Variants in MCTP1 observed in about 807,000 individuals in gnomAD.
MCTP1 encodes multiple C2 and transmembrane domain containing 1.
Under a neutral mutation model 120.6 loss-of-function variants are expected in MCTP1, and 69 were observed. The observed-to-expected ratio is 0.57, with a 90% CI of 0.47 to 0.70. The LOEUF (loss-of-function observed/expected upper bound fraction) is 0.70, where lower values mean the gene tolerates loss of function less well. MCTP1 is among the 30% of genes least tolerant of loss of function. MCTP1 has a pLI of 0.00. For synonymous variants in MCTP1, 529 were observed against 493.1 expected, an observed-to-expected ratio of 1.07 and a Z score of -0.96; for missense variants, 1,203 against 1,248.8, an observed-to-expected ratio of 0.96 and a Z score of 0.55.
intron 10 of MCTP1, among the ~76,000 whole-genome samples, chr5:94,901,997 G>A (rs140907995): frequency 1.3e-3 from 191 of 152,260 alleles, no homozygotes; most frequent in African/African-American, 4.2e-3. Context: ...GGAGGCATAG[G>A]AGCTTCATGG....
intron 1 of MCTP1, among the ~76,000 whole-genome samples, chr5:95,071,975 A>T (rs1188744728): frequency 1.3e-5 from 2 of 152,228 alleles, no homozygotes; most frequent in Non-Finnish European, 2.9e-5. Flanking sequence ...TAATAGATCC[A>T]TGAGAAAAAT....
chr5:94,874,310 A>G (rs1010646410), intron 12 of MCTP1, among the ~76,000 whole-genome samples: 5 of 152,228 alleles, frequency 3.3e-5, no homozygotes, highest in African/African-American at 1.2e-4. Flanking sequence ...AAGATTTTCT[A>G]TTAAATTTTA....
chr5:94,882,873 A>C (rs900323057), intron 12 of MCTP1, among the ~76,000 whole-genome samples: 5 of 152,172 alleles, frequency 3.3e-5, no homozygotes, highest in African/African-American at 4.8e-5. Flanking sequence ...CTGCATATGA[A>C]TCACACATGA....
intron 1 of MCTP1, among the ~76,000 whole-genome samples, chr5:95,089,710 T>C (rs1339113285): frequency 6.6e-6 from 1 of 152,168 alleles, no homozygotes; most frequent in Non-Finnish European, 1.5e-5. Context: ...TCTGCTGTTT[T>C]GTTCCCCTCC....
At chr5:94,982,263 T>A (rs1829565789) in intron 2 of MCTP1, among the ~76,000 whole-genome samples, 1 of 152,174 alleles carries the variant, frequency 6.6e-6, no homozygotes, top group African/African-American at 2.4e-5. Flanking sequence ...ATAAAATATT[T>A]CCAGAATCTA....
intron 5 of MCTP1, among the ~76,000 whole-genome samples, chr5:94,934,613 A>G (rs542925712): frequency 1.3e-5 from 2 of 152,064 alleles, no homozygotes; most frequent in South Asian, 2.1e-4. Flanking sequence ...TCACAGAATT[A>G]GATACAATAG....
At position 95,170,387 on chromosome 5, in the gene MCTP1, G is replaced by A. The variant is rs561625638; in HGVS notation, c.720+113469C>T. ...TGGTGCTTAGTAGAATGTATATTCT[G>A]TTGATTTCAGGTGGAGAGTTCTGTA... On this transcript the variant is annotated intron_variant, in intron 1 of 22. Coordinates refer to ENST00000515393, the MANE Select transcript of MCTP1 (RefSeq NM_024717.7). Among the ~76,000 whole-genome samples, 18 of 152,346 alleles carry A rather than the reference G, an allele frequency of 1.2e-4. No homozygotes were observed. The East Asian group carries it at 2.9e-3, about 24-fold the overall frequency.
At chr5:95,009,707 T>C (rs1038496112) in intron 2 of MCTP1, among the ~76,000 whole-genome samples, 1 of 152,166 alleles carries the variant, frequency 6.6e-6, no homozygotes, top group African/African-American at 2.4e-5. Context: ...ATTGTGTATC[T>C]TACTCAAAGT....
chr5:94,838,448 T>C (rs1369669474), intron 17 of MCTP1, among the ~76,000 whole-genome samples: 1 of 152,186 alleles, frequency 6.6e-6, no homozygotes, highest in Non-Finnish European at 1.5e-5. Context: ...GTGGGAGACA[T>C]GTAGAACCAA....
chr5:95,102,495 T>C (rs753224631), intron 1 of MCTP1, among the ~76,000 whole-genome samples: 2 of 152,226 alleles, frequency 1.3e-5, no homozygotes, highest in Non-Finnish European at 2.9e-5. Context: ...CCATTATCCC[T>C]AGTGATTACC....
chr5:95,104,263 A>G (rs976798858), intron 1 of MCTP1, among the ~76,000 whole-genome samples: 20 of 152,180 alleles, frequency 1.3e-4, no homozygotes, highest in African/African-American at 4.6e-4. Flanking sequence ...AACGCAGTTA[A>G]CAAACTATAC....
At chr5:95,283,425 C>G (rs1760479223) in intron 1 of MCTP1, among the ~76,000 whole-genome samples, 1 of 152,210 alleles carries the variant, frequency 6.6e-6, no homozygotes, top group South Asian at 2.1e-4. Context: ...TACCTCTCCA[C>G]GTTTCTATTT....
At chr5:94,804,730 A>G (rs1230627521) in intron 17 of MCTP1, among the ~76,000 whole-genome samples, 1 of 152,100 alleles carries the variant, frequency 6.6e-6, no homozygotes, top group East Asian at 1.9e-4. Flanking sequence ...GAGCCACCAC[A>G]CCAGGCCTAT....
At chr5:95,143,357 C>T (rs1027340357) in intron 1 of MCTP1, among the ~76,000 whole-genome samples, 1 of 152,140 alleles carries the variant, frequency 6.6e-6, no homozygotes, top group Non-Finnish European at 1.5e-5. Flanking sequence ...TACTGTTTTA[C>T]ATTCATAAAT....
chr5:95,174,221 C>A (rs251078), intron 1 of MCTP1, among the ~76,000 whole-genome samples: 110,096 of 151,924 alleles, frequency 0.72, 40,419 homozygotes, highest in African/African-American at 0.77. Flanking sequence ...CAAAAGAGGA[C>A]GAAAATAAAC....
intron 12 of MCTP1, 47 bp downstream of exon 12, chr5:94,888,832 T>G: frequency 8.7e-7 from 1 of 1,146,090 alleles, no homozygotes; most frequent in African/African-American, 1.5e-5. Context: ...GTGTAGACCT[T>G]GTGTGCTGCT....
intron 9 of MCTP1, among the ~76,000 whole-genome samples, chr5:94,910,381 T>A (rs1000012427): frequency 6.6e-6 from 1 of 152,092 alleles, no homozygotes; most frequent in Non-Finnish European, 1.5e-5. Context: ...TTGATAGGAA[T>A]GGAATTTTAA....
At position 95,243,579 on chromosome 5, in the gene MCTP1, A is replaced by C. The variant is rs535154245; in HGVS notation, c.720+40277T>G. ...TCCTGAGAGCAATGAGGAATCAGTG[A>C]CATTTTAAGAAAGCAGGAGAAAAGA... On this transcript the variant is annotated intron_variant, in intron 1 of 22. Transcript: ENST00000515393. Among the ~76,000 whole-genome samples, 3 of 152,318 alleles carry C rather than the reference A, an allele frequency of 2.0e-5. No homozygotes were observed. The South Asian group carries it at 6.2e-4, about 32-fold the overall frequency.
At position 94,978,486 on chromosome 5, in the gene MCTP1, G is replaced by A. The variant is rs1331964102; in HGVS notation, c.839-25125C>T. On this transcript the variant is annotated intron_variant, in intron 2 of 22. Transcript: ENST00000515393. ...TCAATGAATGCATGCATAAAAAGAA[G>A]ATGTGGTATATATATATAATGGAAT... is the stretch of plus-strand genomic sequence containing the variant. 2.0e-5 allele frequency among the ~76,000 whole-genome samples: 3 copies of A among 151,974 alleles called. No individual in the cohort carries two copies. In the East Asian group the frequency reaches 5.8e-4, roughly 29 times the overall value.
Sources: gnomAD v4.1 joint callset for allele counts (sites outside exome capture counted in the v4.1 genomes callset) on GRCh38, gnomAD v4.1.1 for gene constraint, MANE v1.5 for transcripts, NCBI Gene and HGNC (gene_info 2026-07-23, HGNC 2026-07-21) for gene names.